The following SMC1A variants were observed in gnomAD, a reference collection of about 807,000 sequenced individuals.
SMC1A encodes structural maintenance of chromosomes 1A.
A neutral mutation model predicts 94.5 loss-of-function variants in SMC1A; 4 were observed. The ratio of observed to expected loss-of-function variants is 0.04; its 90% CI spans 0.02 to 0.10. The LOEUF is 0.10. Among genes scored for constraint, SMC1A ranks in the 10% least tolerant of loss-of-function variants. SMC1A has a pLI of 1.00. For synonymous variants in SMC1A, 345 were observed against 347.7 expected, an observed-to-expected ratio of 0.99 and a Z score of 0.09; for missense variants, 304 against 989.0, an observed-to-expected ratio of 0.31 and a Z score of 9.29.
rs1161190814 is a variant in SMC1A, at chrX:53,374,373, C to T, written c.*5730G>A. The T allele has an allele frequency of 1.8e-5, 2 of 111,753 alleles. No individual in the cohort carries two copies. Among genetic ancestry groups the T allele is most frequent in the African/African-American group, 6.5e-5 (2 of 30,683 alleles). The allele number at this position is 111,753 out of a possible 1,213,427, so 9.2% of individuals were successfully genotyped here. ...ACTCCTTTCTGGCTGTATTTATACT[C>T]CTCCTACTGCTACTGACTAACTTCT... On this transcript the variant is annotated 3_prime_UTR_variant, in exon 25 of 25. Coordinates refer to ENST00000322213, the MANE Select transcript of SMC1A (RefSeq NM_006306.4).
intron 19 of SMC1A, among the ~76,000 whole-genome samples, chrX:53,393,078 C>T (rs1472465878): frequency 8.9e-6 from 1 of 111,998 alleles, no homozygotes; most frequent in Non-Finnish European, 1.9e-5. Context: ...TGAGAACTGA[C>T]ATCAGGTGTC....
chrX:53,407,318 G>A (rs1320559284), intron 9 of SMC1A, among the ~76,000 whole-genome samples: 1 of 111,647 alleles, frequency 9.0e-6, no homozygotes, highest in African/African-American at 3.3e-5. Context: ...ATCACCGATG[G>A]CTGATGATCT....
At position 53,422,517 on chromosome X, in the gene SMC1A, G is replaced by C. The variant is rs782338371; in HGVS notation, c.84C>G (p.Thr28=). 8.3e-7 allele frequency: 1 copy of C among 1,199,678 alleles called. No individual in the cohort carries two copies. Among genetic ancestry groups the C allele is most frequent in the Non-Finnish European group, 1.1e-6 (1 of 884,317 alleles). Residue 28 remains threonine (T), a synonymous_variant, in exon 1 of 25, where the codon ACC becomes ACG. Coordinates refer to ENST00000322213, the MANE Select transcript of SMC1A (RefSeq NM_006306.4). ...CAGAGCCATTGGGTCCAATGATGGC[G>C]GTGAACCTCTGAAATGGTCCGATAA... The part of the protein sequence containing the change: ...RQIIGPFQRF[T]AIIGPNGSGK...
In SMC1A at chrX:53,422,350, G is replaced by A. The variant is rs971801951; in HGVS notation, c.109+142C>T. ...GCACCCGCGCGGGGAGAGTGGGTTC[G>A]AGCAGAACCCCCTCTGGACGGGCAA... On this transcript the variant is annotated intron_variant, in intron 1 of 24. Coordinates refer to ENST00000322213, the MANE Select transcript of SMC1A (RefSeq NM_006306.4). The A allele has an allele frequency of 1.0e-5, 5 of 499,579 alleles. No homozygotes were observed. The Admixed American group carries it at 1.1e-4, about 11-fold the overall frequency. 41.2% of individuals were successfully genotyped at this position (499,579 alleles called of 1,213,427 possible).
rs2075554970 is a variant in SMC1A, at chrX:53,375,022, A to G, written c.*5081T>C. 1 of 112,548 alleles carries G rather than the reference A, an allele frequency of 8.9e-6. No individual in the cohort carries two copies. Among genetic ancestry groups the G allele is most frequent in the Non-Finnish European group, 1.9e-5 (1 of 53,316 alleles). 9.3% of individuals were successfully genotyped at this position (112,548 alleles called of 1,213,427 possible). A position where few individuals can be genotyped will look rare whatever the true frequency, so the allele number is the denominator to read the frequency against. ...TAACAGGCCACTGGCCAGCCTAGAG[A>G]TTGGTTGCCCTTGAACCAGACACTA... On this transcript the variant is annotated 3_prime_UTR_variant, in exon 25 of 25. Coordinates refer to ENST00000322213, the MANE Select transcript of SMC1A (RefSeq NM_006306.4).
chrX:53,390,484 T>C (rs2075623784), intron 19 of SMC1A, among the ~76,000 whole-genome samples: 1 of 105,644 alleles, frequency 9.5e-6, no homozygotes, highest in African/African-American at 3.5e-5. Context: ...TGAGACTCTA[T>C]CTCAAAAAAA....
At chrX:53,397,032 T>C (rs183555017) in intron 16 of SMC1A, among the ~76,000 whole-genome samples, 58 of 110,810 alleles carry the variant, frequency 5.2e-4, no homozygotes, top group African/African-American at 1.8e-3. Flanking sequence ...CAAAACTTTG[T>C]CATGTGCAGT....
At chrX:53,422,668 C>G (rs1323564800), upstream of SMC1A, 38 of 704,819 alleles carry the variant, frequency 5.4e-5, no homozygotes, top group Non-Finnish European at 7.7e-5. Flanking sequence ...GTAGCCCGCG[C>G]GGGAAACGCC....
intron 19 of SMC1A, among the ~76,000 whole-genome samples, chrX:53,394,313 G>C (rs1368186005): frequency 1.8e-5 from 2 of 110,393 alleles, no homozygotes; most frequent in African/African-American, 6.6e-5. Flanking sequence ...GGGTAAATAT[G>C]GGGAGGAAGG....
intron 22 of SMC1A, 54 bp downstream of exon 22, chrX:53,382,178 T>C (rs1192083756): frequency 1.7e-6 from 2 of 1,183,510 alleles, no homozygotes; most frequent in Admixed American, 2.2e-5. Flanking sequence ...CCCCAGAGCC[T>C]CTGGTGGCCT....
rs2075720699 is a variant in SMC1A at position 53,413,368 on chromosome X, C to T, written c.479G>A (p.Arg160His). 6 of 1,209,725 alleles carry T rather than the reference C, an allele frequency of 5.0e-6. No individual in the cohort carries two copies. Among genetic ancestry groups the T allele is most frequent in the Non-Finnish European group, 5.6e-6 (5 of 895,037 alleles). ...ATACTCCTGCGCCAGCTCCCCAGAA[C>T]GACTAATCTCTTCAAATAGAGCTGT... ...ERTALFEEIS[R>H]SGELAQEYDK... Residue 160 changes from arginine (R) to histidine (H), a missense_variant, in exon 4 of 25, where the codon CGT (arginine) becomes CAT (histidine). Arg to His is a conservative substitution (Grantham distance 29, BLOSUM62 0). This residue lies in a region of SMC1A where 120 missense variants were observed against 314.9 expected (regional missense o/e 0.38). Transcript: ENST00000322213.
At chrX:53,406,597 C>T (rs1556889741) in intron 9 of SMC1A, among the ~76,000 whole-genome samples, 1 of 111,880 alleles carries the variant, frequency 8.9e-6, no homozygotes, top group Non-Finnish European at 1.9e-5. Flanking sequence ...AGCCTGCAAA[C>T]CTGAATGGCC....
At position 53,380,048 on chromosome X, in the gene SMC1A, G is replaced by T; in HGVS notation, c.*55C>A. 1.1e-6 allele frequency: 1 copy of T among 873,728 alleles called. No individual in the cohort carries two copies. Among genetic ancestry groups the T allele is most frequent in the Non-Finnish European group, 1.7e-6 (1 of 590,311 alleles). The allele number at this position is 873,728 out of a possible 1,213,427, so 72.0% of individuals were successfully genotyped here. On this transcript the variant is annotated 3_prime_UTR_variant, in exon 25 of 25. Transcript: ENST00000322213. Reference sequence around the variant, plus strand: ...GAAGGTTGGGAGTCAAATATCCAGAGATTGGGAGAGGGACAGCTTAGGGAT... The same window carrying T: ...GAAGGTTGGGAGTCAAATATCCAGATATTGGGAGAGGGACAGCTTAGGGAT...
At chrX:53,402,861 T>C in intron 15 of SMC1A, among the ~76,000 whole-genome samples, 1 of 911 alleles carries the variant, frequency 1.1e-3, no homozygotes, top group South Asian at 0.2. Context: ...AGAGCAAGAC[T>C]CTGTCTCAAA....
At chrX:53,412,864 TTTCCCACAAG>T in intron 5 of SMC1A, 26 bp downstream of exon 5, 1 of 1,211,031 alleles carries the variant, frequency 8.3e-7, no homozygotes, top group Non-Finnish European at 1.1e-6. Flanking sequence ...GGCCTCTTGG[TTTCCCACAAG>T]TTGCAGGCCC....
rs782366347 is a variant in SMC1A, at chrX:53,414,827, T to C, written c.342A>G (p.Leu114=). The C allele has an allele frequency of 8.3e-7, 1 of 1,208,404 alleles. No homozygotes were observed. Among genetic ancestry groups the C allele is most frequent in the South Asian group, 1.8e-5 (1 of 56,918 alleles). ...EYKINNKVVQ[L]HEYSEELEKL... is the part of the protein sequence containing the mutation. The stretch of plus-strand genomic sequence containing the variant: ...TCTCTAATTCCTCACTGTACTCATG[T>C]AGTTGGACCACTTTGTTGTTGATCT... Residue 114 remains leucine (L), a synonymous_variant, in exon 3 of 25, where the codon CTA becomes CTG. Coordinates refer to ENST00000322213, the MANE Select transcript of SMC1A (RefSeq NM_006306.4).
Position 53,383,233 on chromosome X carries a change from C to G in SMC1A, c.2994G>C (p.Glu998Asp). 1 of 1,176,588 alleles carries G rather than the reference C, an allele frequency of 8.5e-7. No homozygotes were observed. Among genetic ancestry groups the G allele is most frequent in the Non-Finnish European group, 1.1e-6 (1 of 876,856 alleles). Residue 998 changes from glutamate (E) to aspartate (D), a missense_variant, in exon 20 of 25, where the codon GAG becomes GAC. Glu to Asp is a conservative substitution (Grantham distance 45). Around this residue, in one of 11 missense-constraint regions of SMC1A, gnomAD observed 17 missense variants for 44.7 expected, o/e 0.38. Transcript: ENST00000322213. Reference sequence around the variant, plus strand: ...GCAGTGTGTTCATCTCTTGCTTGATCTCTTCCTCAGCCTGGGCATCCTGTA... The same window carrying G: ...GCAGTGTGTTCATCTCTTGCTTGATGTCTTCCTCAGCCTGGGCATCCTGTA... ...EDLKDAQAEE[E>D]IKQEMNTLQQ...
rs987270035 is a variant in SMC1A at position 53,386,194 on chromosome X, G to T, written c.2974-2941C>A. ...TTGGAAGAACAGGTTAAATAATATT[G>T]TAAAAAAAAAAGAACATATCCATAA... On this transcript the variant is annotated intron_variant, in intron 19 of 24. Coordinates refer to ENST00000322213, the MANE Select transcript of SMC1A (RefSeq NM_006306.4). 5.5e-5 allele frequency among the ~76,000 whole-genome samples: 6 copies of T among 109,874 alleles called. No homozygotes were observed. In the Admixed American group the frequency reaches 5.8e-4, roughly 11 times the overall value.
intron 16 of SMC1A, among the ~76,000 whole-genome samples, chrX:53,396,886 CTAGA>C (rs1406659965): frequency 1.8e-5 from 2 of 112,099 alleles, no homozygotes; most frequent in Non-Finnish European, 3.8e-5. Context: ...ATCTCATCAG[CTAGA>C]TAATCAATTA....
Sources: allele counts gnomAD v4.1 joint callset (sites outside exome capture counted in the v4.1 genomes callset), GRCh38; gene constraint gnomAD v4.1.1; regional missense constraint gnomAD v4.1.1; transcripts MANE v1.5; gene names NCBI Gene and HGNC (gene_info 2026-07-23, HGNC 2026-07-21).